SERGEF: variants seen among roughly 807,000 people sequenced by gnomAD.
SERGEF encodes the protein secretion regulating guanine nucleotide exchange factor.
A neutral mutation model predicts 50.0 loss-of-function variants in SERGEF; 51 were observed. The observed-to-expected ratio is 1.02, with a 90% CI of 0.81 to 1.29. The LOEUF (loss-of-function observed/expected upper bound fraction) is 1.29. Ranked by LOEUF, SERGEF falls within the 50% of genes most tolerant of loss-of-function variation. The pLI, the probability that SERGEF is intolerant of heterozygous loss-of-function variation, is 0.00. For synonymous variants in SERGEF, 205 were observed against 212.4 expected (o/e 0.97, Z 0.30); for missense variants, 521 against 557.0 (o/e 0.94, Z 0.65).
intron 10 of SERGEF, among the ~76,000 whole-genome samples, chr11:17,805,857 G>T (rs952480220): frequency 3.3e-5 from 5 of 152,194 alleles, no homozygotes; most frequent in African/African-American, 1.2e-4. Context: ...GTGCTGTGGT[G>T]AGGCTCATGG....
In SERGEF at chr11:17,888,547, A is replaced by C. The variant is rs1474680794; in HGVS notation, c.1012-10303T>G. 6.6e-6 allele frequency among the ~76,000 whole-genome samples: 1 copy of C among 152,114 alleles called. No individual in the cohort carries two copies. The highest frequency in any genetic ancestry group is 1.9e-4 in the East Asian group (1 of 5,198). On this transcript the variant is annotated intron_variant, in intron 9 of 10. Transcript: ENST00000265965. This position sits in a 1 kb window ranked among gnomAD's most constrained non-coding sequence, Gnocchi z 4.1. ...TGCTCACTGTAGTTGAAGGAAACAC[A>C]AATATAGAATGAGAGAAGGCAAAGA...
chr11:17,896,748 G>A (rs938798656), intron 9 of SERGEF, among the ~76,000 whole-genome samples: 5 of 131,792 alleles, frequency 3.8e-5, no homozygotes, highest in Non-Finnish European at 6.6e-5. Flanking sequence ...GAAGGGTAAC[G>A]GAAGGGTAAG....
At chr11:17,876,728 A>C (rs1851240712) in intron 10 of SERGEF, among the ~76,000 whole-genome samples, 1 of 152,354 alleles carries the variant, frequency 6.6e-6, no homozygotes, top group East Asian at 1.9e-4. Context: ...GCTTTCACAA[A>C]TTTAGATTCC....
intron 10 of SERGEF, among the ~76,000 whole-genome samples, chr11:17,815,120 A>G (rs888144239): frequency 5.9e-5 from 9 of 152,160 alleles, no homozygotes; most frequent in African/African-American, 2.2e-4. Context: ...CCAAGAGTGC[A>G]AGGCTGCAGT....
At position 17,851,851 on chromosome 11, in the gene SERGEF, G is replaced by A. The variant is rs79872976; in HGVS notation, c.1048+26357C>T. On this transcript the variant is annotated intron_variant, in intron 10 of 10. Transcript: ENST00000265965. ...GGAGTACGTGCCTTCAGAGAAGCTG[G>A]ACAACCCCACCCCCACTGCTTACAC... is the stretch of plus-strand genomic sequence containing the variant. 4.1e-4 allele frequency among the ~76,000 whole-genome samples: 62 copies of A among 152,296 alleles called. No individual in the cohort carries two copies. In the East Asian group the frequency reaches 0.011, roughly 27 times the overall value.
chr11:17,962,691 T>C (rs1853033195), intron 8 of SERGEF, among the ~76,000 whole-genome samples: 1 of 151,930 alleles, frequency 6.6e-6, no homozygotes, highest in Non-Finnish European at 1.5e-5. Context: ...GCAAAAGATA[T>C]CAACGTACCA....
intron 9 of SERGEF, among the ~76,000 whole-genome samples, chr11:17,881,102 T>C (rs1191238379): frequency 6.6e-6 from 1 of 152,202 alleles, no homozygotes; most frequent in East Asian, 1.9e-4. Context: ...GCTAGACAAG[T>C]GGCAGCAGCA....
At chr11:17,972,636 G>A (rs981868771) in intron 8 of SERGEF, among the ~76,000 whole-genome samples, 1 of 152,114 alleles carries the variant, frequency 6.6e-6, no homozygotes, top group Non-Finnish European at 1.5e-5. Flanking sequence ...TGTGTGACTC[G>A]CTTTATTGGA....
At chr11:17,910,718 A>G (rs1043233836) in intron 9 of SERGEF, among the ~76,000 whole-genome samples, 11 of 152,256 alleles carry the variant, frequency 7.2e-5, no homozygotes, top group African/African-American at 2.7e-4. Context: ...GAGAAAAAAA[A>G]TCAGAAATTA....
At chr11:17,883,057 T>C (rs532546354) in intron 9 of SERGEF, among the ~76,000 whole-genome samples, 12 of 152,072 alleles carry the variant, frequency 7.9e-5, no homozygotes, top group Admixed American at 7.2e-4. Context: ...TTCCCAGAAA[T>C]GAGAGAGGTC....
intron 2 of SERGEF, 56 bp from the exon 3 acceptor site, chr11:18,006,802 A>T: frequency 6.4e-7 from 1 of 1,570,374 alleles, no homozygotes; most frequent in Non-Finnish European, 8.7e-7. Flanking sequence ...ACAACTGCAA[A>T]ATGAACAAAA....
intron 5 of SERGEF, 52 bp from the exon 6 acceptor site, chr11:17,995,961 C>T: frequency 1.5e-6 from 2 of 1,295,084 alleles, no homozygotes; most frequent in Non-Finnish European, 2.2e-6. Flanking sequence ...CAGGATAAGA[C>T]TAGATTGCTC....
chr11:17,812,532 A>G (rs943485221), intron 10 of SERGEF, among the ~76,000 whole-genome samples: 5 of 152,204 alleles, frequency 3.3e-5, no homozygotes, highest in African/African-American at 9.6e-5. Flanking sequence ...GGCAGTTCAT[A>G]GCAGGGGTGG....
chr11:17,931,357 A>G (rs1318056647), intron 9 of SERGEF, among the ~76,000 whole-genome samples: 1 of 152,220 alleles, frequency 6.6e-6, no homozygotes, highest in Non-Finnish European at 1.5e-5. Flanking sequence ...GTAATGCCAC[A>G]CACAGTAAGG....
chr11:17,870,146 G>A (rs770574800), intron 10 of SERGEF, among the ~76,000 whole-genome samples: 5 of 152,164 alleles, frequency 3.3e-5, no homozygotes, highest in Non-Finnish European at 5.9e-5. Context: ...AAGGTGCCTT[G>A]CTTCCCCTTC....
chr11:17,966,418 C>G (rs1853126492), intron 8 of SERGEF, among the ~76,000 whole-genome samples: 1 of 152,012 alleles, frequency 6.6e-6, no homozygotes, highest in Non-Finnish European at 1.5e-5. Flanking sequence ...CTTTAGGCAC[C>G]CAGTTTTCCC....
rs3216313 is a variant in SERGEF at position 17,853,197 on chromosome 11, GA to G, written c.1048+25010del. Among the ~76,000 whole-genome samples the G allele has an allele frequency of 1.2e-4, 18 of 151,072 alleles. No individual in the cohort carries two copies. The South Asian group carries it at 3.4e-3, about 28-fold the overall frequency. ...ATATGGTGGTTGTGATGACTAAATA[GA>G]AAAAAAAATACCATACATGAACAGT... On this transcript the variant is annotated intron_variant, in intron 10 of 10. Coordinates refer to ENST00000265965, the MANE Select transcript of SERGEF (RefSeq NM_012139.4).
intron 8 of SERGEF, among the ~76,000 whole-genome samples, chr11:17,964,532 TATA>T (rs764900080): frequency 6.6e-6 from 1 of 152,184 alleles, no homozygotes; most frequent in Non-Finnish European, 1.5e-5. Flanking sequence ...AAAAAGGGAA[TATA>T]ATGTCACTGA....
rs1454033596 is a variant in SERGEF at position 17,790,906 on chromosome 11, C to CT, written c.1049-2494dup. Among the ~76,000 whole-genome samples, 7 of 152,308 alleles carry CT rather than the reference C, an allele frequency of 4.6e-5. No homozygotes were observed. The East Asian group carries it at 7.7e-4, about 17-fold the overall frequency. Reference sequence around the variant, plus strand: ...TGTTGATTACCCGTTTAAGTTGCCTCTTCTGTGAATTGTCTATATACATTC... The same window carrying CT: ...TGTTGATTACCCGTTTAAGTTGCCTCTTTCTGTGAATTGTCTATATACATTC... On this transcript the variant is annotated intron_variant, in intron 10 of 10. Coordinates refer to ENST00000265965, the MANE Select transcript of SERGEF (RefSeq NM_012139.4).
Sources: gnomAD v4.1 joint callset for allele counts (sites outside exome capture counted in the v4.1 genomes callset) on GRCh38, gnomAD v4.1.1 for gene constraint, Gnocchi (gnomAD v3.1) non-coding constraint, MANE v1.5 for transcripts, NCBI Gene and HGNC (gene_info 2026-07-23, HGNC 2026-07-21) for gene names.